Variants in SHISAL1 observed in about 807,000 individuals in gnomAD.
The protein encoded by SHISAL1 is shisa like 1.
A neutral mutation model predicts 22.6 loss-of-function variants in SHISAL1; 9 were observed. The observed-to-expected ratio is 0.40, with a 90% confidence interval of 0.24 to 0.70. The LOEUF (loss-of-function observed/expected upper bound fraction) is 0.70. Ranked by LOEUF, SHISAL1 falls within the 30% of genes least tolerant of loss-of-function variation. The probability of loss-of-function intolerance (pLI) is 0.39; values close to 1 mark genes in which losing one functional copy is unlikely to be tolerated. For synonymous variants in SHISAL1, 119 were observed against 115.4 expected, an observed-to-expected ratio of 1.03 and a Z score of -0.20; for missense variants, 246 against 270.6, an observed-to-expected ratio of 0.91 and a Z score of 0.64.
At chr22:44,297,955 G>C (rs757271222) in intron 2 of SHISAL1, among the ~76,000 whole-genome samples, 1 of 152,170 alleles carries the variant, frequency 6.6e-6, no homozygotes, top group Non-Finnish European at 1.5e-5. Context: ...CTACCCACCC[G>C]GGGCTGCTGC....
At chr22:44,314,367 G>A (rs1220312118), upstream of SHISAL1, among the ~76,000 whole-genome samples, 1 of 152,112 alleles carries the variant, frequency 6.6e-6, no homozygotes, top group African/African-American at 2.4e-5. Context: ...GTGTGATCCT[G>A]GGCATGTTTC....
At chr22:44,254,100 T>C (rs1379269894) in intron 4 of SHISAL1, among the ~76,000 whole-genome samples, 2 of 151,652 alleles carry the variant, frequency 1.3e-5, no homozygotes, top group Non-Finnish European at 2.9e-5. Flanking sequence ...CTGCAGAATA[T>C]CTAGACAATA....
intron 4 of SHISAL1, among the ~76,000 whole-genome samples, chr22:44,270,550 C>T (rs191829278): frequency 1.3e-5 from 2 of 152,274 alleles, no homozygotes; most frequent in African/African-American, 4.8e-5. Flanking sequence ...TGGAGGCTTA[C>T]AGAAGGGACA....
At chr22:44,320,928 T>C in the SHISAL1 span, among the ~76,000 whole-genome samples, 5 of 152,204 alleles carry the variant, frequency 3.3e-5, no homozygotes, top group African/African-American at 1.2e-4. Context: ...CGGAAAGTGC[T>C]TTGGGTTTTG....
chr22:44,313,526 A>C (rs533595078), upstream of SHISAL1, among the ~76,000 whole-genome samples: 14 of 152,296 alleles, frequency 9.2e-5, no homozygotes, highest in South Asian at 2.1e-3. Flanking sequence ...CCTCCCTGCC[A>C]GTAGGAATGG....
At chr22:44,330,606 ACT>A in the SHISAL1 span, among the ~76,000 whole-genome samples, 1 of 151,040 alleles carries the variant, frequency 6.6e-6, no homozygotes, top group Non-Finnish European at 1.5e-5. Flanking sequence ...CATCCTCTTG[ACT>A]CTTTCCAAAG....
intron 3 of SHISAL1, among the ~76,000 whole-genome samples, chr22:44,295,753 C>T (rs1307094253): frequency 2.0e-5 from 3 of 152,130 alleles, no homozygotes; most frequent in Admixed American, 6.5e-5. Context: ...AGCTAGCTCA[C>T]GGTAAAAGAA....
At chr22:44,309,159 C>A (rs148313425) in intron 1 of SHISAL1, among the ~76,000 whole-genome samples, 286 of 152,332 alleles carry the variant, frequency 1.9e-3, no homozygotes, top group African/African-American at 6.6e-3. Context: ...GGTTTCTCTC[C>A]TGGTCGCCAC....
intron 1 of SHISAL1, among the ~76,000 whole-genome samples, chr22:44,305,126 T>C (rs569635236): frequency 9.2e-5 from 14 of 152,354 alleles, no homozygotes; most frequent in East Asian, 3.9e-4. Context: ...AAGCCTGCCA[T>C]GATTTTATCA....
intron 3 of SHISAL1, among the ~76,000 whole-genome samples, chr22:44,296,414 T>C (rs2055386220): frequency 1.2e-5 from 1 of 80,292 alleles, no homozygotes; most frequent in South Asian, 3.9e-4. Flanking sequence ...CCCACCTCAT[T>C]CTCCCAAAGT....
chr22:44,331,579 C>T, the SHISAL1 span, among the ~76,000 whole-genome samples: 2 of 149,900 alleles, frequency 1.3e-5, no homozygotes, highest in Non-Finnish European at 1.5e-5. The surrounding 1 kb of genome is among the most constrained non-coding windows in gnomAD (Gnocchi z 5.2). Context: ...CGGGGGCTGC[C>T]CACGCCCCCG....
Position 44,245,009 on chromosome 22 carries a change from G to T in SHISAL1, c.*4676C>A, listed in dbSNP as rs2054986535. 6.6e-6 allele frequency: 1 copy of T among 152,298 alleles called. No homozygotes were observed. The highest frequency in any genetic ancestry group is 6.5e-5 in the Admixed American group (1 of 15,284). The allele number at this position is 152,298 out of a possible 1,614,324, so 9.4% of individuals were successfully genotyped here. A position where few individuals can be genotyped will look rare whatever the true frequency, so the allele number is the denominator to read the frequency against. On this transcript the variant is annotated 3_prime_UTR_variant, in exon 5 of 5. Coordinates refer to ENST00000381176, the MANE Select transcript of SHISAL1 (RefSeq NM_001099294.2). ...AGTGCGCAGGCTTGTCTTCCAGAGG[G>T]CACAGGGTATGGCCCCAGCCCAGTG...
intron 4 of SHISAL1, among the ~76,000 whole-genome samples, chr22:44,266,800 C>T (rs748991950): frequency 5.3e-5 from 8 of 152,102 alleles, no homozygotes; most frequent in Non-Finnish European, 8.8e-5. Context: ...GCTCCACGCC[C>T]GTCAGCTCCC....
chr22:44,294,188 C>T (rs531296102), intron 3 of SHISAL1, among the ~76,000 whole-genome samples: 1 of 152,322 alleles, frequency 6.6e-6, no homozygotes, highest in East Asian at 1.9e-4. Flanking sequence ...GATTGCAGCC[C>T]TGATATGATG....
At chr22:44,274,996 A>C (rs2055229792) in intron 4 of SHISAL1, among the ~76,000 whole-genome samples, 1 of 152,210 alleles carries the variant, frequency 6.6e-6, no homozygotes, top group South Asian at 2.1e-4. Flanking sequence ...GCAGTTGCCC[A>C]CTGGCCCGTA....
At chr22:44,257,589 A>C (rs1332590683) in intron 4 of SHISAL1, among the ~76,000 whole-genome samples, 1 of 152,260 alleles carries the variant, frequency 6.6e-6, no homozygotes, top group Non-Finnish European at 1.5e-5. Context: ...GCTTTAAAAA[A>C]ATAAAATCTA....
chr22:44,261,711 T>C (rs1484186364), intron 4 of SHISAL1, among the ~76,000 whole-genome samples: 1 of 152,254 alleles, frequency 6.6e-6, no homozygotes, highest in African/African-American at 2.4e-5. Context: ...TCAACTCTTG[T>C]TCTGCTCTCA....
chr22:44,284,127 G>A (rs1460231004), intron 4 of SHISAL1, among the ~76,000 whole-genome samples: 8 of 152,136 alleles, frequency 5.3e-5, no homozygotes, highest in South Asian at 2.1e-4. Context: ...TTATTCAATC[G>A]ATAAGCACAA....
At position 44,245,853 on chromosome 22, in the gene SHISAL1, G is replaced by A. The variant is rs1203702001; in HGVS notation, c.*3832C>T. The A allele has an allele frequency of 6.6e-6, 1 of 152,232 alleles. No homozygotes were observed. Among genetic ancestry groups the A allele is most frequent in the Non-Finnish European group, 1.5e-5 (1 of 68,064 alleles). The allele number at this position is 152,232 out of a possible 1,614,324, so 9.4% of individuals were successfully genotyped here. A position where few individuals can be genotyped will look rare whatever the true frequency, so the allele number is the denominator to read the frequency against. On this transcript the variant is annotated 3_prime_UTR_variant, in exon 5 of 5. Coordinates refer to ENST00000381176, the MANE Select transcript of SHISAL1 (RefSeq NM_001099294.2). ...CCTCTTCAGCTCTGGGCCAAAATTT[G>A]ACTGAATCTTTCTGATGATGAGGGG...
Sources: allele counts gnomAD v4.1 joint callset (sites outside exome capture counted in the v4.1 genomes callset), GRCh38; gene constraint gnomAD v4.1.1; non-coding constraint Gnocchi (gnomAD v3.1); transcripts MANE v1.5; gene names NCBI Gene and HGNC (gene_info 2026-07-23, HGNC 2026-07-21).